Variants in FBLN1 observed in about 807,000 individuals in gnomAD.
FBLN1 encodes fibulin 1.
In FBLN1, 34 loss-of-function variants were observed where a neutral mutation model predicts 89.7. That is an observed-to-expected ratio of 0.38 (90% CI 0.29 to 0.50). The LOEUF is 0.50. Among genes scored for constraint, FBLN1 ranks in the 20% least tolerant of loss-of-function variants. The pLI is 0.92. For missense variants in FBLN1, 777 were observed against 988.1 expected (o/e 0.79, Z 2.86); for synonymous variants, 393 against 391.3 (o/e 1.00, Z -0.05).
At chr22:45,544,155 C>T (rs1014372758) in intron 11 of FBLN1, among the ~76,000 whole-genome samples, 3 of 151,932 alleles carry the variant, frequency 2.0e-5, no homozygotes, top group Middle Eastern at 3.2e-3. Flanking sequence ...GCTACGATCT[C>T]GGCTCACTGC....
chr22:45,558,004 G>C, intron 14 of FBLN1: 1 of 712,186 alleles, frequency 1.4e-6, no homozygotes, highest in South Asian at 1.5e-5. Flanking sequence ...GTCCACTTTC[G>C]GGTGGTGCCT....
rs569668435 is a variant in FBLN1, at chr22:45,593,870, A to G, written c.1973-6437A>G. On this transcript the variant is annotated intron_variant, in intron 16 of 16. Coordinates refer to ENST00000327858, the MANE Select transcript of FBLN1 (RefSeq NM_006486.3). ...ACGTGTTCATGGCAGAAGGCCTGCC[A>G]TGGGCCTGCCAGGGCCTGGGTTGGG... 7.2e-5 allele frequency among the ~76,000 whole-genome samples: 11 copies of G among 152,250 alleles called. No individual in the cohort carries two copies. The East Asian group carries it at 1.2e-3, about 16-fold the overall frequency.
chr22:45,523,870 C>T (rs1026587446), intron 2 of FBLN1, among the ~76,000 whole-genome samples: 6 of 152,176 alleles, frequency 3.9e-5, no homozygotes, highest in East Asian at 1.9e-4. Flanking sequence ...CTGTGCTCCA[C>T]GGCAGCTGCA....
In FBLN1 at chr22:45,532,842, G is replaced by A. The variant is rs541386728; in HGVS notation, c.545-221G>A. ...ACCCTGCACACCACCTGATTTTCCA[G>A]ACGGGGAGGTTGGGACCTGAAGCAG... On this transcript the variant is annotated intron_variant, in intron 5 of 16. Transcript: ENST00000327858. The surrounding 1 kb of genome is among the most constrained non-coding windows in gnomAD (Gnocchi z 4.2). 1.7e-6 allele frequency: 1 copy of A among 602,284 alleles called. No homozygotes were observed. Among genetic ancestry groups the A allele is most frequent in the African/African-American group, 1.8e-5 (1 of 54,182 alleles). 37.3% of individuals were successfully genotyped at this position (602,284 alleles called of 1,614,324 possible).
intron 7 of FBLN1, among the ~76,000 whole-genome samples, chr22:45,534,881 TCTAAA>T (rs2088463886): frequency 6.6e-6 from 1 of 152,204 alleles, no homozygotes; most frequent in Non-Finnish European, 1.5e-5. Flanking sequence ...TGCTTTATGA[TCTAAA>T]CTAAACATAC....
rs1029994525 is a variant in FBLN1 at position 45,534,625 on chromosome 22, T to C, written c.785-575T>C. ...AGCATGGCACACCCCTTCTGACATC[T>C]GAGGGCCACAGAGCAAATTCTGTCC... On this transcript the variant is annotated intron_variant, in intron 7 of 16. Transcript: ENST00000327858. 1.1e-4 allele frequency among the ~76,000 whole-genome samples: 16 copies of C among 152,194 alleles called. 1 individual carries two copies. The highest frequency in any genetic ancestry group is 3.2e-3 in the Middle Eastern group (1 of 316).
At chr22:45,554,529 C>CT (rs1034279390) in intron 14 of FBLN1, among the ~76,000 whole-genome samples, 5 of 152,260 alleles carry the variant, frequency 3.3e-5, no homozygotes, top group South Asian at 4.1e-4. Flanking sequence ...CAAGTAAATG[C>CT]AAGGCCTCCT....
At position 45,596,591 on chromosome 22, in the gene FBLN1, TAAG is replaced by T. The variant is rs1293883664; in HGVS notation, c.1973-3713_1973-3711del. 8.0e-5 allele frequency among the ~76,000 whole-genome samples: 12 copies of T among 149,350 alleles called. No individual in the cohort carries two copies. The East Asian group carries it at 1.7e-3, about 22-fold the overall frequency. On this transcript the variant is annotated intron_variant, in intron 16 of 16. Coordinates refer to ENST00000327858, the MANE Select transcript of FBLN1 (RefSeq NM_006486.3). ...ATAATTATATATACATATATCAACA[TAAG>T]AATATGATTACTATATACATATATC...
chr22:45,561,503 T>C lies in FBLN1; in HGVS notation c.1697+10888T>C, dbSNP rs1451271298. Among the ~76,000 whole-genome samples the C allele has an allele frequency of 1.1e-4, 17 of 152,330 alleles. No homozygotes were observed. In the South Asian group the frequency reaches 3.3e-3, roughly 30 times the overall value. On this transcript the variant is annotated intron_variant, in intron 14 of 16. Coordinates refer to ENST00000327858, the MANE Select transcript of FBLN1 (RefSeq NM_006486.3). This position sits in a 1 kb window ranked among gnomAD's most constrained non-coding sequence, Gnocchi z 4.7. The stretch of plus-strand genomic sequence containing the variant: ...CAGGAGTTTCAAATGCGTTTATTTT[T>C]CATAACTCTCTAAACAGTTCATGCC...
At chr22:45,599,071 C>G (rs980146359) in intron 16 of FBLN1, among the ~76,000 whole-genome samples, 1 of 152,170 alleles carries the variant, frequency 6.6e-6, no homozygotes, top group African/African-American at 2.4e-5. Context: ...CTTGTGGCAC[C>G]CACTCCCTTA....
chr22:45,589,970 A>C (rs965312452), intron 16 of FBLN1, among the ~76,000 whole-genome samples: 8 of 152,126 alleles, frequency 5.3e-5, no homozygotes, highest in Non-Finnish European at 8.8e-5. Context: ...AGCTCTCCCA[A>C]AGGAGATTTG....
At chr22:45,546,973 G>A (rs902406589) in intron 11 of FBLN1, 112 bp from the exon 12 acceptor site, 43 of 1,539,694 alleles carry the variant, frequency 2.8e-5, no homozygotes, top group Middle Eastern at 3.4e-4. Flanking sequence ...CTCTCCGAGT[G>A]TGTTAACCTG....
Position 45,577,239 on chromosome 22 carries a change from C to T in FBLN1, c.1972+131C>T, listed in dbSNP as rs944701854. ...AGCCCACCCAACCTTCAGGGCCCAG[C>T]GCCGAGGCCACCACAGCTCCCAATC... On this transcript the variant is annotated intron_variant, in intron 16 of 16. Coordinates refer to ENST00000327858, the MANE Select transcript of FBLN1 (RefSeq NM_006486.3). This position sits in a 1 kb window ranked among gnomAD's most constrained non-coding sequence, Gnocchi z 6.6. 3.7e-5 allele frequency: 38 copies of T among 1,027,684 alleles called. No individual in the cohort carries two copies. The highest frequency in any genetic ancestry group is 2.5e-4 in the Middle Eastern group (1 of 3,976). The allele number at this position is 1,027,684 out of a possible 1,614,324, so 63.7% of individuals were successfully genotyped here.
At position 45,525,529 on chromosome 22, in the gene FBLN1, C is replaced by G. The variant is rs1474714445; in HGVS notation, c.186-14C>G. Reference sequence around the variant, plus strand: ...GCGCACAGAGCCTTGGCCCAGCCCACCCCTCACCCACAGGATGGTGCAGGA... The same window carrying G: ...GCGCACAGAGCCTTGGCCCAGCCCAGCCCTCACCCACAGGATGGTGCAGGA... On this transcript the variant is annotated splice_polypyrimidine_tract_variant and intron_variant, in intron 2 of 16. Coordinates refer to ENST00000327858, the MANE Select transcript of FBLN1 (RefSeq NM_006486.3). 5.2e-6 allele frequency: 8 copies of G among 1,548,880 alleles called. No individual in the cohort carries two copies. Among genetic ancestry groups the G allele is most frequent in the Non-Finnish European group, 7.0e-6 (8 of 1,146,742 alleles).
chr22:45,532,094 G>T lies in FBLN1; in HGVS notation c.544+770G>T, dbSNP rs568210690. Among the ~76,000 whole-genome samples the T allele has an allele frequency of 9.8e-5, 15 of 152,306 alleles. 1 individual carries two copies. In the South Asian group the frequency reaches 3.1e-3, roughly 32 times the overall value. ...CAGATCTGCCTCACAAGCTCTTTCAGTGGTTCCCCCTGTGGTTAGGGTGTT... is the reference window on the plus strand; with the variant it reads ...CAGATCTGCCTCACAAGCTCTTTCATTGGTTCCCCCTGTGGTTAGGGTGTT... On this transcript the variant is annotated intron_variant, in intron 5 of 16. Coordinates refer to ENST00000327858, the MANE Select transcript of FBLN1 (RefSeq NM_006486.3). The surrounding 1 kb of genome is among the most constrained non-coding windows in gnomAD (Gnocchi z 4.2).
At position 45,530,987 on chromosome 22, in the gene FBLN1, C is replaced by T. The variant is rs1037482291; in HGVS notation, c.485-278C>T. ...CCGTGTTGGCCAGGATGGTCTTGAA[C>T]TCCTGACCTCAGGTGATCCGCCTGC... On this transcript the variant is annotated intron_variant, in intron 4 of 16. Coordinates refer to ENST00000327858, the MANE Select transcript of FBLN1 (RefSeq NM_006486.3). The surrounding 1 kb of genome is among the most constrained non-coding windows in gnomAD (Gnocchi z 5.4). Among the ~76,000 whole-genome samples the T allele has an allele frequency of 3.3e-5, 5 of 152,172 alleles. No homozygotes were observed. Among genetic ancestry groups the T allele is most frequent in the Admixed American group, 3.3e-4 (5 of 15,280 alleles).
intron 2 of FBLN1, among the ~76,000 whole-genome samples, chr22:45,522,450 G>C (rs1353301348): frequency 6.6e-6 from 1 of 152,214 alleles, no homozygotes; most frequent in East Asian, 1.9e-4. Flanking sequence ...GGCAGCAGTC[G>C]AGGGTGTGAG....
In FBLN1 at chr22:45,573,151, A is replaced by C. The variant is rs886229202; in HGVS notation, c.1698-1360A>C. Among the ~76,000 whole-genome samples the C allele has an allele frequency of 8.8e-4, 134 of 151,846 alleles. 1 individual carries two copies. Among genetic ancestry groups the C allele is most frequent in the African/African-American group, 2.9e-3 (120 of 41,448 alleles). ...TGAGGCAGGAGAATTGCTTGAACCC[A>C]GGAGGCGGAGGTTGCAGTGAGCTGA... On this transcript the variant is annotated intron_variant, in intron 14 of 16. Transcript: ENST00000327858.
At chr22:45,555,284 T>C (rs2088773533) in intron 14 of FBLN1, among the ~76,000 whole-genome samples, 1 of 122,722 alleles carries the variant, frequency 8.1e-6, no homozygotes, top group Non-Finnish European at 1.8e-5. Context: ...TATATATATA[T>C]ATATATAAAA....
Sources: allele counts gnomAD v4.1 joint callset (sites outside exome capture counted in the v4.1 genomes callset), GRCh38; gene constraint gnomAD v4.1.1; non-coding constraint Gnocchi (gnomAD v3.1); transcripts MANE v1.5; gene names NCBI Gene and HGNC (gene_info 2026-07-23, HGNC 2026-07-21).